The following NALF1 variants were observed in gnomAD, a reference collection of about 807,000 sequenced individuals.
NALF1 encodes NALCN channel auxiliary factor 1, also known as family with sequence similarity 155 member A.
A neutral mutation model predicts 48.4 loss-of-function variants in NALF1; 3 were observed. The ratio of observed to expected loss-of-function variants is 0.06; its 90% CI spans 0.03 to 0.16. The LOEUF (loss-of-function observed/expected upper bound fraction) is 0.16, where lower values mean the gene tolerates loss of function less well. Ranked by LOEUF, NALF1 falls within the 10% of genes least tolerant of loss-of-function variation. The probability of loss-of-function intolerance (pLI) is 1.00; values close to 1 mark genes in which losing one functional copy is unlikely to be tolerated. For synonymous variants in NALF1, 262 were observed against 245.7 expected (o/e 1.07, Z -0.62); for missense variants, 526 against 571.5 (o/e 0.92, Z 0.81).
In NALF1 at chr13:107,319,905, G is replaced by A. The variant is rs550213071; in HGVS notation, c.916-109150C>T. ...TGAAAAGAGCCACCACTAATCTAAC[G>A]AGGGGAAGCTGGAGTTAATGGAATG... On this transcript the variant is annotated intron_variant, in intron 1 of 2. Coordinates refer to ENST00000375915, the MANE Select transcript of NALF1 (RefSeq NM_001080396.3). Among the ~76,000 whole-genome samples the A allele has an allele frequency of 2.6e-3, 390 of 152,236 alleles. 2 individuals are homozygous for A. The highest frequency in any genetic ancestry group is 9.0e-3 in the African/African-American group (372 of 41,558).
intron 2 of NALF1, among the ~76,000 whole-genome samples, chr13:107,171,202 T>G (rs763149925): frequency 2.0e-5 from 3 of 152,166 alleles, no homozygotes; most frequent in Non-Finnish European, 4.4e-5. Context: ...AAGCAACAGA[T>G]CATAACGTCA....
chr13:107,656,099 G>C (rs1248116498), intron 1 of NALF1, among the ~76,000 whole-genome samples: 1 of 151,328 alleles, frequency 6.6e-6, no homozygotes. Context: ...CATTGACTTA[G>C]GCAAAGGCTT....
chr13:107,596,525 C>T lies in NALF1; in HGVS notation c.915+269157G>A, dbSNP rs1370823586. Among the ~76,000 whole-genome samples, 6 of 152,204 alleles carry T rather than the reference C, an allele frequency of 3.9e-5. No homozygotes were observed. In the South Asian group the frequency reaches 6.2e-4, roughly 16 times the overall value. On this transcript the variant is annotated intron_variant, in intron 1 of 2. Transcript: ENST00000375915. ...TATGAGTTCATGTCCTTTGCAGAAA[C>T]GTGGATGAAGTTGGAAACCATCACT...
At chr13:107,531,544 T>C (rs1876640163) in intron 1 of NALF1, among the ~76,000 whole-genome samples, 3 of 152,128 alleles carry the variant, frequency 2.0e-5, no homozygotes, top group African/African-American at 7.2e-5. Flanking sequence ...TATTCCTTTA[T>C]AGCAATGCAA....
intron 1 of NALF1, among the ~76,000 whole-genome samples, chr13:107,745,221 AC>A (rs1313907192): frequency 6.6e-6 from 1 of 152,216 alleles, no homozygotes; most frequent in African/African-American, 2.4e-5. Context: ...CTTTTGAAGC[AC>A]CTGTAGAAAG....
rs77758328 is a variant in NALF1, at chr13:107,843,169, T to A, written c.915+22513A>T. 7.9e-3 allele frequency among the ~76,000 whole-genome samples: 1,200 copies of A among 152,328 alleles called. 25 individuals carry two copies. Among genetic ancestry groups the A allele is most frequent in the East Asian group, 0.063 (324 of 5,180 alleles). The stretch of plus-strand genomic sequence containing the variant: ...TATCTAACAAACACTTCTATGATAC[T>A]TAAAATGCTCCAGATAGTATTCTAA... On this transcript the variant is annotated intron_variant, in intron 1 of 2. Transcript: ENST00000375915.
chr13:107,190,960 A>G (rs1005246356), intron 2 of NALF1, among the ~76,000 whole-genome samples: 6 of 152,220 alleles, frequency 3.9e-5, no homozygotes, highest in Non-Finnish European at 7.3e-5. Flanking sequence ...TTGAAAAGAA[A>G]GCTGTAGTTA....
At chr13:107,708,046 A>G (rs1875455540) in intron 1 of NALF1, among the ~76,000 whole-genome samples, 1 of 151,330 alleles carries the variant, frequency 6.6e-6, no homozygotes, top group South Asian at 2.1e-4. Flanking sequence ...GGATAGCACC[A>G]AAGAAATAAT....
At chr13:107,808,940 G>T (rs1878899785) in intron 1 of NALF1, among the ~76,000 whole-genome samples, 1 of 152,010 alleles carries the variant, frequency 6.6e-6, no homozygotes, top group African/African-American at 2.4e-5. Context: ...TGACTATGCA[G>T]ACCTGCTTAT....
At chr13:107,223,449 G>C (rs1034662780) in intron 1 of NALF1, among the ~76,000 whole-genome samples, 4 of 152,076 alleles carry the variant, frequency 2.6e-5, no homozygotes, top group Non-Finnish European at 4.4e-5. Context: ...AGTAAATACT[G>C]AGATTCAGCA....
intron 1 of NALF1, among the ~76,000 whole-genome samples, chr13:107,458,439 T>C (rs1594073571): frequency 6.6e-6 from 1 of 152,290 alleles, no homozygotes; most frequent in South Asian, 2.1e-4. Context: ...CCTGACATGG[T>C]AACCACTGTC....
At chr13:107,828,101 C>G (rs1879574656) in intron 1 of NALF1, among the ~76,000 whole-genome samples, 2 of 152,016 alleles carry the variant, frequency 1.3e-5, no homozygotes, top group African/African-American at 4.8e-5. Flanking sequence ...CTTGTGAGTT[C>G]GATTTCACAT....
intron 1 of NALF1, among the ~76,000 whole-genome samples, chr13:107,583,152 A>G (rs1036832882): frequency 1.3e-5 from 2 of 152,130 alleles, no homozygotes; most frequent in African/African-American, 4.8e-5. Flanking sequence ...GGAAATAAAG[A>G]TTCTGAATTT....
intron 1 of NALF1, among the ~76,000 whole-genome samples, chr13:107,861,939 T>C (rs1880581403): frequency 6.6e-6 from 1 of 152,250 alleles, no homozygotes; most frequent in Non-Finnish European, 1.5e-5. Context: ...CTGCTATACA[T>C]GCCTAATACT....
At chr13:107,269,256 G>C (rs959338726) in intron 1 of NALF1, among the ~76,000 whole-genome samples, 1 of 152,124 alleles carries the variant, frequency 6.6e-6, no homozygotes, top group Non-Finnish European at 1.5e-5. Context: ...AGTCAGGGGG[G>C]TTCACGAGAA....
intron 1 of NALF1, among the ~76,000 whole-genome samples, chr13:107,734,940 G>C (rs536470973): frequency 2.6e-5 from 4 of 152,108 alleles, no homozygotes; most frequent in Non-Finnish European, 4.4e-5. Context: ...TTCTACAAGT[G>C]GAAGTAAATT....
chr13:107,286,663 A>G (rs1290207864), intron 1 of NALF1, among the ~76,000 whole-genome samples: 1 of 152,064 alleles, frequency 6.6e-6, no homozygotes, highest in African/African-American at 2.4e-5. Flanking sequence ...GAATGGATAT[A>G]TACAAATTGT....
chr13:107,550,872 G>C (rs1362399457), intron 1 of NALF1, among the ~76,000 whole-genome samples: 1 of 151,482 alleles, frequency 6.6e-6, no homozygotes, highest in African/African-American at 2.4e-5. Context: ...CTCTAACTTT[G>C]AGGTTATTTC....
intron 1 of NALF1, among the ~76,000 whole-genome samples, chr13:107,735,324 T>G (rs1307593771): frequency 2.0e-5 from 3 of 152,318 alleles, no homozygotes. Context: ...ATTTCCAAAT[T>G]CCAGGTGATC....
Sources: gnomAD v4.1 joint callset for allele counts (sites outside exome capture counted in the v4.1 genomes callset) on GRCh38, gnomAD v4.1.1 for gene constraint, MANE v1.5 for transcripts, NCBI Gene and HGNC (gene_info 2026-07-23, HGNC 2026-07-21) for gene names.